The following TRAF7 variants were observed in gnomAD, a reference collection of about 807,000 sequenced individuals.
TRAF7 encodes TNF receptor associated factor 7.
TRAF7 carries 45 observed loss-of-function variants against 89.3 expected under a neutral mutation model. The ratio of observed to expected loss-of-function variants is 0.50; its 90% CI spans 0.40 to 0.65. The LOEUF (loss-of-function observed/expected upper bound fraction) is 0.65. TRAF7 is among the 30% of genes least tolerant of loss of function. The pLI is 0.00. For missense variants in TRAF7, 677 were observed against 918.1 expected, an observed-to-expected ratio of 0.74 and a Z score of 3.39; for synonymous variants, 406 against 369.2, an observed-to-expected ratio of 1.10 and a Z score of -1.14.
chr16:2,158,772 G>GC lies in TRAF7; in HGVS notation c.-39+2914_-39+2915insC, dbSNP rs1399497029. Reference sequence around the variant, plus strand: ...GACTGGGAAGCGTGGGCTCGGCGGGGGGGGGGGGGACACTGCCACCCTTGG... The same window carrying GC: ...GACTGGGAAGCGTGGGCTCGGCGGGGCGGGGGGGGGACACTGCCACCCTTGG... On this transcript the variant is annotated intron_variant, in intron 1 of 20. Transcript: ENST00000326181. The surrounding 1 kb of genome is among the most constrained non-coding windows in gnomAD (Gnocchi z 4.7). 2.7e-5 allele frequency among the ~76,000 whole-genome samples: 4 copies of GC among 150,904 alleles called. No individual in the cohort carries two copies. Among genetic ancestry groups the GC allele is most frequent in the Admixed American group, 2.0e-4 (3 of 15,184 alleles).
Position 2,158,276 on chromosome 16 carries a change from C to T in TRAF7, c.-39+2418C>T, listed in dbSNP as rs368980203. ...GAACCTGTGGAGAGGGACCCACCAA[C>T]CCCTTAGTCTTTGACAGATCCGCTG... On this transcript the variant is annotated intron_variant, in intron 1 of 20. Transcript: ENST00000326181. The surrounding 1 kb of genome is among the most constrained non-coding windows in gnomAD (Gnocchi z 4.7). 1.3e-5 allele frequency among the ~76,000 whole-genome samples: 2 copies of T among 152,310 alleles called. No individual in the cohort carries two copies. The highest frequency in any genetic ancestry group is 2.1e-4 in the South Asian group (1 of 4,824).
chr16:2,163,895 A>G lies in TRAF7; in HGVS notation c.-26A>G. 1.2e-6 allele frequency: 2 copies of G among 1,607,082 alleles called. No individual in the cohort carries two copies. The highest frequency in any genetic ancestry group is 1.1e-5 in the South Asian group (1 of 90,262). On this transcript the variant is annotated 5_prime_UTR_variant, in exon 2 of 21. Transcript: ENST00000326181. The surrounding 1 kb of genome is among the most constrained non-coding windows in gnomAD (Gnocchi z 4.3). ...GCTCCACCCACAGGAGGTGCTTCCC[A>G]AGGACCGTAGATGCCTCTCTAGAGC...
In TRAF7 at chr16:2,165,920, C is replaced by T; in HGVS notation, c.123C>T (p.Val41=). Residue 41 remains valine, a synonymous_variant, in exon 3 of 21, where the codon GTC becomes GTT. Transcript: ENST00000326181. ...ETTFGPAFSA[V]TTITKADGTS... is the part of the protein sequence containing the mutation. ...CCTTCGGACCCGCCTTTTCAGCCGTCACCACCATCACAAAAGGTGAGCCCT... is the reference window on the plus strand; with the variant it reads ...CCTTCGGACCCGCCTTTTCAGCCGTTACCACCATCACAAAAGGTGAGCCCT... 1.2e-6 allele frequency: 2 copies of T among 1,614,142 alleles called. No homozygotes were observed. Among genetic ancestry groups the T allele is most frequent in the East Asian group, 2.2e-5 (1 of 44,884 alleles).
rs2093085090 is a variant in TRAF7 at position 2,165,950 on chromosome 16, C to T, written c.139+14C>T. 1 of 1,613,926 alleles carries T rather than the reference C, an allele frequency of 6.2e-7. No homozygotes were observed. Among genetic ancestry groups the T allele is most frequent in the African/African-American group, 1.3e-5 (1 of 74,948 alleles). On this transcript the variant is annotated intron_variant, in intron 3 of 20. Transcript: ENST00000326181. Reference sequence around the variant, plus strand: ...CCATCACAAAAGGTGAGCCCTTAAGCCAAGGCCAGCCCAGGCTGGGAATAA... The same window carrying T: ...CCATCACAAAAGGTGAGCCCTTAAGTCAAGGCCAGCCCAGGCTGGGAATAA...
In TRAF7 at chr16:2,168,932, C is replaced by A. The variant is rs1473544946; in HGVS notation, c.231+764C>A. On this transcript the variant is annotated intron_variant, in intron 4 of 20. Transcript: ENST00000326181. This position sits in a 1 kb window ranked among gnomAD's most constrained non-coding sequence, Gnocchi z 4.1. Reference sequence around the variant, plus strand: ...CAGCTGCCTCTCTCCAGTGCTTGGACACCAGGTGTGGCGGCCCTGCTGGCC... The same window carrying A: ...CAGCTGCCTCTCTCCAGTGCTTGGAAACCAGGTGTGGCGGCCCTGCTGGCC... Among the ~76,000 whole-genome samples the A allele has an allele frequency of 6.6e-6, 1 of 152,192 alleles. No homozygotes were observed. Among genetic ancestry groups the A allele is most frequent in the Admixed American group, 6.5e-5 (1 of 15,276 alleles).
chr16:2,173,859 T>TGGGGCGCGCCCCCC, intron 12 of TRAF7, 23 bp downstream of exon 12: 1 of 1,246,258 alleles, frequency 8.0e-7, no homozygotes, highest in Non-Finnish European at 1.1e-6. Context: ...CCGCCGTGGC[T>TGGGGCGCGCCCCCC]CCCGCCCACC....
intron 9 of TRAF7, among the ~76,000 whole-genome samples, 187 bp downstream of exon 9, chr16:2,172,786 G>A (rs1017964297): frequency 7.9e-5 from 12 of 152,140 alleles, no homozygotes; most frequent in South Asian, 2.1e-4. Context: ...CCAGGAAGGC[G>A]GGCGTGGACG....
chr16:2,156,078 C>T (rs530042572), intron 1 of TRAF7, among the ~76,000 whole-genome samples: 1 of 152,244 alleles, frequency 6.6e-6, no homozygotes, highest in African/African-American at 2.4e-5. Flanking sequence ...TCGCTCCGTC[C>T]TGTTCTCGCG....
At position 2,176,620 on chromosome 16, in the gene TRAF7, C is replaced by G. The variant is rs754196944; in HGVS notation, c.*46C>G. On this transcript the variant is annotated 3_prime_UTR_variant, in exon 21 of 21. Transcript: ENST00000326181. ...GGTTTCCCCTGAACCAGCCCTGGACCTTTCTGAGCCAGGCTGGCCACATGG... is the reference window on the plus strand; with the variant it reads ...GGTTTCCCCTGAACCAGCCCTGGACGTTTCTGAGCCAGGCTGGCCACATGG... 6.2e-6 allele frequency: 10 copies of G among 1,612,974 alleles called. No individual in the cohort carries two copies. Among genetic ancestry groups the G allele is most frequent in the East Asian group, 4.5e-5 (2 of 44,878 alleles).
chr16:2,156,255 C>G (rs2093033905), intron 1 of TRAF7, among the ~76,000 whole-genome samples: 1 of 152,136 alleles, frequency 6.6e-6, no homozygotes, highest in South Asian at 2.1e-4. Flanking sequence ...GCCCGGGTCG[C>G]TTTTTGCTGC....
chr16:2,171,649 T>C (rs1185766448), intron 7 of TRAF7, 44 bp downstream of exon 7: 3 of 1,612,656 alleles, frequency 1.9e-6, no homozygotes, highest in African/African-American at 1.3e-5. Context: ...ACCGTGCCCA[T>C]GGCTGCCGAG....
chr16:2,171,900 C>A (rs574099426), intron 7 of TRAF7, among the ~76,000 whole-genome samples: 12 of 152,208 alleles, frequency 7.9e-5, no homozygotes, highest in Non-Finnish European at 1.0e-4. Context: ...TTCTCACTGG[C>A]GAGGCTGTCG....
In TRAF7 at chr16:2,172,269, T is replaced by G; in HGVS notation, c.554T>G (p.Phe185Cys). The change falls in exon 8 of 21, where the codon TTC becomes TGC. Residue 185 changes from phenylalanine to cysteine, a missense_variant. Physicochemically the swap from Phe to Cys is radical, Grantham distance 205. Transcript: ENST00000326181. ...GTGGCCGAGCAGATCGGGGAGCTCT[T>G]CATCCACTGCCGGCACGGCTGCCGG... The part of the protein sequence containing the change: ...IAVAEQIGEL[F>C]IHCRHGCRVA... 1 of 1,612,920 alleles carries G rather than the reference T, an allele frequency of 6.2e-7. No individual in the cohort carries two copies. Among genetic ancestry groups the G allele is most frequent in the Non-Finnish European group, 8.5e-7 (1 of 1,179,976 alleles).
rs887587222 is a variant in TRAF7, at chr16:2,171,620, C to T, written c.475+15C>T. On this transcript the variant is annotated intron_variant, in intron 7 of 20. Coordinates refer to ENST00000326181, the MANE Select transcript of TRAF7 (RefSeq NM_032271.3). ...CTTGAAGTCAGGTAGGTTTGTGCCC[C>T]GGCCCAGGCCTGACGCCGACCGTGC... 33 of 1,613,066 alleles carry T rather than the reference C, an allele frequency of 2.0e-5. 1 individual carries two copies. The highest frequency in any genetic ancestry group is 5.5e-5 in the South Asian group (5 of 91,088).
At chr16:2,166,735 G>A (rs996819566) in intron 3 of TRAF7, among the ~76,000 whole-genome samples, 3 of 152,210 alleles carry the variant, frequency 2.0e-5, no homozygotes, top group Non-Finnish European at 4.4e-5. Context: ...ACCACTGGGC[G>A]GGATACACGA....
At chr16:2,170,990 TTCTAG>T (rs1386338456) in intron 5 of TRAF7, among the ~76,000 whole-genome samples, 1 of 152,180 alleles carries the variant, frequency 6.6e-6, no homozygotes, top group Non-Finnish European at 1.5e-5. Context: ...GCAGGGCCCT[TTCTAG>T]TCTCACCCCA....
rs540704828 is a variant in TRAF7 at position 2,169,582 on chromosome 16, G to A, written c.232-1032G>A. Among the ~76,000 whole-genome samples the A allele has an allele frequency of 1.1e-3, 161 of 152,158 alleles. 1 individual carries two copies. The highest frequency in any genetic ancestry group is 3.8e-3 in the African/African-American group (156 of 41,546). Reference sequence around the variant, plus strand: ...AGGCCTGCCTGCTGTCAGCCCCTACGCCCAAGAGGGTGGGAGACTCTGGGG... The same window carrying A: ...AGGCCTGCCTGCTGTCAGCCCCTACACCCAAGAGGGTGGGAGACTCTGGGG... On this transcript the variant is annotated intron_variant, in intron 4 of 20. Coordinates refer to ENST00000326181, the MANE Select transcript of TRAF7 (RefSeq NM_032271.3).
chr16:2,164,963 A>G (rs2432373), intron 2 of TRAF7, among the ~76,000 whole-genome samples: 214 of 15,730 alleles, frequency 0.014, no homozygotes, highest in Middle Eastern at 0.038. Context: ...TGTGTGGCGC[A>G]GCCTGGTCGC....
intron 1 of TRAF7, among the ~76,000 whole-genome samples, chr16:2,157,593 G>T (rs1052192025): frequency 5.9e-5 from 9 of 152,072 alleles, no homozygotes; most frequent in Non-Finnish European, 8.8e-5. Flanking sequence ...CCACCCTCCC[G>T]CATGGGGCCT....
Sources: gnomAD v4.1 joint callset for allele counts (sites outside exome capture counted in the v4.1 genomes callset) on GRCh38, gnomAD v4.1.1 for gene constraint, Gnocchi (gnomAD v3.1) non-coding constraint, MANE v1.5 for transcripts, NCBI Gene and HGNC (gene_info 2026-07-23, HGNC 2026-07-21) for gene names.